Variants in SEMA3D observed in about 807,000 individuals in gnomAD.
SEMA3D encodes the protein semaphorin 3D, also known as semaphorin-3D.
A neutral mutation model predicts 100.1 loss-of-function variants in SEMA3D; 84 were observed. That is an observed-to-expected ratio of 0.84 (90% CI 0.70 to 1.01). The LOEUF (loss-of-function observed/expected upper bound fraction) is 1.01, where lower values mean the gene tolerates loss of function less well. Ranked by LOEUF, SEMA3D falls within the 50% of genes least tolerant of loss-of-function variation. SEMA3D has a pLI of 0.00. For missense variants in SEMA3D, 875 were observed against 934.1 expected (o/e 0.94, Z 0.82); for synonymous variants, 312 against 320.7 (o/e 0.97, Z 0.29).
chr7:85,057,456 A>G (rs1791353528), intron 8 of SEMA3D, among the ~76,000 whole-genome samples: 1 of 152,196 alleles, frequency 6.6e-6, no homozygotes, highest in Admixed American at 6.5e-5. Context: ...AGAGAAGCCA[A>G]AAAGTTTTAA....
intron 9 of SEMA3D, among the ~76,000 whole-genome samples, chr7:85,052,702 C>T (rs1247454956): frequency 6.6e-6 from 1 of 151,846 alleles, no homozygotes; most frequent in Non-Finnish European, 1.5e-5. Flanking sequence ...ATATCTATTG[C>T]CCTCACTATA....
In SEMA3D at chr7:85,146,180, A is replaced by C. The variant is rs528057672; in HGVS notation, c.-41+7428T>G. On this transcript the variant is annotated intron_variant, in intron 2 of 18. Coordinates refer to ENST00000284136, the MANE Select transcript of SEMA3D (RefSeq NM_001384900.1). ...ACTTTATATTTGTATGACATCTTAC[A>C]GTTCTTTAATGAGATATATACACAT... Among the ~76,000 whole-genome samples the C allele has an allele frequency of 2.6e-5, 4 of 152,298 alleles. No individual in the cohort carries two copies. In the East Asian group the frequency reaches 5.8e-4, roughly 22 times the overall value.
intron 18 of SEMA3D, among the ~76,000 whole-genome samples, chr7:85,003,056 A>G (rs1489605283): frequency 1.3e-5 from 2 of 152,142 alleles, no homozygotes; most frequent in Non-Finnish European, 2.9e-5. Context: ...AAAAATAAAG[A>G]AAGCTCCTTG....
the SEMA3D span, among the ~76,000 whole-genome samples, chr7:85,202,065 TTTA>T: frequency 2.4e-4 from 37 of 151,824 alleles, no homozygotes; most frequent in African/African-American, 8.4e-4. Flanking sequence ...ATTATTATTT[TTTA>T]TTATTATACT....
chr7:85,210,582 G>C, the SEMA3D span, among the ~76,000 whole-genome samples: 1 of 151,882 alleles, frequency 6.6e-6, no homozygotes, highest in South Asian at 2.1e-4. Flanking sequence ...TCCTACATTA[G>C]AAACATTTAA....
chr7:85,096,631 G>A (rs1054739625), intron 4 of SEMA3D, among the ~76,000 whole-genome samples: 1 of 151,842 alleles, frequency 6.6e-6, no homozygotes, highest in Admixed American at 6.6e-5. Flanking sequence ...CCTTAAAAAT[G>A]TGTGAAAGAA....
intron 18 of SEMA3D, among the ~76,000 whole-genome samples, chr7:85,004,256 C>T (rs1448176645): frequency 1.3e-5 from 2 of 151,968 alleles, no homozygotes; most frequent in African/African-American, 4.8e-5. Context: ...TTAGTGGCCT[C>T]ATAGTTCTTT....
intron 5 of SEMA3D, among the ~76,000 whole-genome samples, chr7:85,076,880 G>C (rs556765832): frequency 3.3e-5 from 5 of 152,036 alleles, no homozygotes; most frequent in Non-Finnish European, 7.4e-5. Context: ...TGGATCATGA[G>C]GTCAGGATTT....
chr7:85,167,243 A>G (rs1203139884), intron 1 of SEMA3D: 2 of 982,834 alleles, frequency 2.0e-6, no homozygotes, highest in Non-Finnish European at 2.4e-6. Flanking sequence ...TTTGCTTGCA[A>G]TGCCTCATCT....
chr7:85,128,916 G>C (rs1789641993), intron 2 of SEMA3D, among the ~76,000 whole-genome samples: 1 of 143,658 alleles, frequency 7.0e-6, no homozygotes, highest in African/African-American at 2.6e-5. Flanking sequence ...GAGATAGATA[G>C]GGTCTCACTC....
chr7:85,116,940 T>C (rs957421482), intron 3 of SEMA3D, among the ~76,000 whole-genome samples: 6 of 152,144 alleles, frequency 3.9e-5, no homozygotes, highest in African/African-American at 1.4e-4. Flanking sequence ...TGTTTTACAG[T>C]GATATACACA....
the SEMA3D span, among the ~76,000 whole-genome samples, chr7:85,200,676 G>T: frequency 3.3e-5 from 5 of 152,218 alleles, no homozygotes; most frequent in African/African-American, 1.2e-4. Context: ...GGATAAATTT[G>T]CATAAGTAAC....
Position 85,068,154 on chromosome 7 carries a change from C to T in SEMA3D, c.589+37G>A, listed in dbSNP as rs17159594. Reference sequence around the variant, plus strand: ...CAGTCAAAAAATAACTCTTAGAAAACCATTTAAGGATAAGAACTGCCTGTC... The same window carrying T: ...CAGTCAAAAAATAACTCTTAGAAAATCATTTAAGGATAAGAACTGCCTGTC... On this transcript the variant is annotated intron_variant, in intron 7 of 18. Transcript: ENST00000284136. The T allele has an allele frequency of 7.7e-3, 9,242 of 1,198,262 alleles. 516 individuals are homozygous for T. The African/African-American group carries it at 0.12, about 16-fold the overall frequency. The allele number at this position is 1,198,262 out of a possible 1,614,324, so 74.2% of individuals were successfully genotyped here. A position where few individuals can be genotyped will look rare whatever the true frequency, so the allele number is the denominator to read the frequency against.
chr7:85,067,833 A>G lies in SEMA3D; in HGVS notation c.589+358T>C, dbSNP rs577116216. On this transcript the variant is annotated intron_variant, in intron 7 of 18. Coordinates refer to ENST00000284136, the MANE Select transcript of SEMA3D (RefSeq NM_001384900.1). ...TTTGGTTTAATTTACCCACATATGG[A>G]ATTGCCAAATTTAATTTCTATAATA... Among the ~76,000 whole-genome samples the G allele has an allele frequency of 1.2e-4, 18 of 152,312 alleles. 1 individual carries two copies. The highest frequency in any genetic ancestry group is 3.4e-4 in the African/African-American group (14 of 41,582).
intron 17 of SEMA3D, among the ~76,000 whole-genome samples, chr7:85,007,897 A>C (rs1789843856): frequency 6.6e-6 from 1 of 151,814 alleles, no homozygotes; most frequent in African/African-American, 2.4e-5. Context: ...AATTGCACAT[A>C]TATTAGTTAG....
In SEMA3D at chr7:85,085,875, A is replaced by G. The variant is rs1451607276; in HGVS notation, c.313-4296T>C. 5.3e-5 allele frequency among the ~76,000 whole-genome samples: 8 copies of G among 152,210 alleles called. No individual in the cohort carries two copies. The East Asian group carries it at 1.5e-3, about 29-fold the overall frequency. On this transcript the variant is annotated intron_variant, in intron 4 of 18. Coordinates refer to ENST00000284136, the MANE Select transcript of SEMA3D (RefSeq NM_001384900.1). Reference sequence around the variant, plus strand: ...AATACAAATCTGTAAAAGATGCTTTAATGTTTTTGTTGTACATTTTCAGTT... The same window carrying G: ...AATACAAATCTGTAAAAGATGCTTTGATGTTTTTGTTGTACATTTTCAGTT...
At chr7:85,204,906 C>T in the SEMA3D span, among the ~76,000 whole-genome samples, 3 of 152,022 alleles carry the variant, frequency 2.0e-5, no homozygotes, top group African/African-American at 7.2e-5. Context: ...TTTCAAATAT[C>T]CTAATAAATA....
intron 12 of SEMA3D, chr7:85,028,904 G>T: frequency 4.0e-6 from 1 of 247,814 alleles, no homozygotes; most frequent in Non-Finnish European, 8.3e-6. Flanking sequence ...GAAAATAGCT[G>T]AATGAGAGCA....
At chr7:85,112,213 C>T (rs1445724904) in intron 3 of SEMA3D, among the ~76,000 whole-genome samples, 1 of 152,202 alleles carries the variant, frequency 6.6e-6, no homozygotes, top group Non-Finnish European at 1.5e-5. Flanking sequence ...GAGACACATG[C>T]TTAATTTCAC....
Sources: allele counts gnomAD v4.1 joint callset (sites outside exome capture counted in the v4.1 genomes callset), GRCh38; gene constraint gnomAD v4.1.1; transcripts MANE v1.5; gene names NCBI Gene and HGNC (gene_info 2026-07-23, HGNC 2026-07-21).